TSHZ1: variants seen among roughly 807,000 people sequenced by gnomAD.
TSHZ1 encodes the protein teashirt homolog 1.
Under a neutral mutation model 67.1 loss-of-function variants are expected in TSHZ1, and 12 were observed. The ratio of observed to expected loss-of-function variants is 0.18; its 90% confidence interval spans 0.11 to 0.29. The LOEUF (loss-of-function observed/expected upper bound fraction) is 0.29. Among genes scored for constraint, TSHZ1 ranks in the 10% least tolerant of loss-of-function variants. The pLI, the probability that TSHZ1 is intolerant of heterozygous loss-of-function variation, is 1.00. For missense variants in TSHZ1, 1,305 were observed against 1,413.9 expected (o/e 0.92, Z 1.23); for synonymous variants, 632 against 622.4 (o/e 1.02, Z -0.23).
chr18:75,230,005 C>G (rs1359653346), intron 1 of TSHZ1, among the ~76,000 whole-genome samples: 2 of 152,126 alleles, frequency 1.3e-5, no homozygotes, highest in African/African-American at 4.8e-5. Flanking sequence ...AGGACAAATA[C>G]CAAGACATCC....
intron 1 of TSHZ1, among the ~76,000 whole-genome samples, chr18:75,225,466 G>A (rs111387886): frequency 1.2e-4 from 19 of 152,314 alleles, no homozygotes; most frequent in African/African-American, 4.3e-4. Flanking sequence ...TTCTGACTGT[G>A]AGCTGGCCCA....
At chr18:75,228,026 A>C (rs1487600346) in intron 1 of TSHZ1, among the ~76,000 whole-genome samples, 1 of 152,246 alleles carries the variant, frequency 6.6e-6, no homozygotes, top group African/African-American at 2.4e-5. Flanking sequence ...GGTGTCATTT[A>C]TCATGGTGAA....
rs774635790 is a variant in TSHZ1 at position 75,286,687 on chromosome 18, CGCT to C, written c.1283_1285del (p.Leu428del). ...ATGGAGTGTGGCAGCTCCCACGACACGCTGCAGCAGCTCACCGCCCACATGATG... is the reference window on the plus strand; with the variant it reads ...ATGGAGTGTGGCAGCTCCCACGACACGCAGCAGCTCACCGCCCACATGATG... On this transcript the variant is annotated inframe_deletion, in exon 2 of 2. Coordinates refer to ENST00000580243, the MANE Select transcript of TSHZ1 (RefSeq NM_001308210.2). This position sits in a 1 kb window ranked among gnomAD's most constrained non-coding sequence, Gnocchi z 5.1. The C allele has an allele frequency of 6.2e-7, 1 of 1,614,156 alleles. No individual in the cohort carries two copies. Among genetic ancestry groups the C allele is most frequent in the Non-Finnish European group, 8.5e-7 (1 of 1,180,040 alleles).
chr18:75,281,314 G>T lies in TSHZ1; in HGVS notation c.41-4134G>T, dbSNP rs1328498358. Among the ~76,000 whole-genome samples the T allele has an allele frequency of 6.6e-6, 1 of 152,202 alleles. No homozygotes were observed. Among genetic ancestry groups the T allele is most frequent in the Non-Finnish European group, 1.5e-5 (1 of 68,034 alleles). ...GGATACTCTCGTTTGGGGTTATTCG[G>T]TAACGTCTGAATCTGGAGATTCAGA... On this transcript the variant is annotated intron_variant, in intron 1 of 1. Coordinates refer to ENST00000580243, the MANE Select transcript of TSHZ1 (RefSeq NM_001308210.2). The surrounding 1 kb of genome is among the most constrained non-coding windows in gnomAD (Gnocchi z 5.3).
chr18:75,215,292 T>A (rs185300330), intron 1 of TSHZ1, among the ~76,000 whole-genome samples: 132 of 152,254 alleles, frequency 8.7e-4, no homozygotes, highest in African/African-American at 3.1e-3. Context: ...CACCGGGCCG[T>A]CTCCAGTGAT....
At chr18:75,280,723 A>G in intron 1 of TSHZ1, 1 of 982,826 alleles carries the variant, frequency 1.0e-6, no homozygotes, top group Non-Finnish European at 1.2e-6. Context: ...TAAATGAAGC[A>G]ATGGGATGAA....
Position 75,286,430 on chromosome 18 carries a change from G to A in TSHZ1, c.1023G>A (p.Val341=), listed in dbSNP as rs770044997. ...AGAAAGTGCCTCTGAAGGAGCCAGT[G>A]CCAGCCATCACCAAACTGGTCCCCT... The part of the protein sequence containing the change: ...HYQKVPLKEP[V]PAITKLVPST... The change falls in exon 2 of 2, where the codon GTG becomes GTA. Residue 341 remains valine (V), a synonymous_variant. Transcript: ENST00000580243. The surrounding 1 kb of genome is among the most constrained non-coding windows in gnomAD (Gnocchi z 5.1). The A allele has an allele frequency of 7.4e-6, 12 of 1,614,182 alleles. No individual in the cohort carries two copies. In the South Asian group the frequency reaches 1.3e-4, roughly 18 times the overall value.
intron 1 of TSHZ1, among the ~76,000 whole-genome samples, chr18:75,257,748 T>G (rs939962051): frequency 1.3e-5 from 2 of 152,164 alleles, no homozygotes; most frequent in African/African-American, 4.8e-5. Context: ...CCCTTCCTCC[T>G]CCTCATGGAT....
intron 1 of TSHZ1, among the ~76,000 whole-genome samples, chr18:75,244,048 G>C (rs959631259): frequency 6.6e-6 from 1 of 152,200 alleles, no homozygotes; most frequent in Admixed American, 6.5e-5. Flanking sequence ...TTAGGAAAAA[G>C]CTTGTTGGAA....
intron 1 of TSHZ1, among the ~76,000 whole-genome samples, chr18:75,235,705 G>A (rs2023058646): frequency 6.6e-6 from 1 of 152,136 alleles, no homozygotes; most frequent in Non-Finnish European, 1.5e-5. Flanking sequence ...TGCATCCTGT[G>A]GATGTAAAAA....
At chr18:75,275,488 C>A (rs1224395352) in intron 1 of TSHZ1, among the ~76,000 whole-genome samples, 1 of 152,150 alleles carries the variant, frequency 6.6e-6, no homozygotes, top group Non-Finnish European at 1.5e-5. Context: ...ATCTGCGTTA[C>A]GTTTCTTTAC....
intron 1 of TSHZ1, among the ~76,000 whole-genome samples, chr18:75,255,459 C>T (rs1336663650): frequency 1.3e-5 from 2 of 152,198 alleles, no homozygotes; most frequent in African/African-American, 2.4e-5. Flanking sequence ...TAACTTATAT[C>T]TTCTAACCAA....
intron 1 of TSHZ1, among the ~76,000 whole-genome samples, chr18:75,249,490 A>G (rs2023267426): frequency 6.7e-6 from 1 of 149,074 alleles, no homozygotes; most frequent in Non-Finnish European, 1.5e-5. Context: ...GTAGGGGGGA[A>G]GGGTAGGTAA....
chr18:75,269,173 T>C (rs1441446132), intron 1 of TSHZ1, among the ~76,000 whole-genome samples: 4 of 152,242 alleles, frequency 2.6e-5, no homozygotes, highest in African/African-American at 9.6e-5. Flanking sequence ...TTGGGCCACA[T>C]GGAAATTGAC....
intron 1 of TSHZ1, chr18:75,280,851 C>T (rs530034761): frequency 1.9e-4 from 183 of 983,004 alleles, no homozygotes; most frequent in Admixed American, 3.7e-4. Context: ...TGGTGAATTC[C>T]GTGAGGGGAT....
At chr18:75,214,508 A>T (rs1344522759) in intron 1 of TSHZ1, among the ~76,000 whole-genome samples, 1 of 152,232 alleles carries the variant, frequency 6.6e-6, no homozygotes, top group Admixed American at 6.5e-5. Flanking sequence ...TTTTTATTAT[A>T]ACATCCTGAC....
intron 1 of TSHZ1, among the ~76,000 whole-genome samples, chr18:75,251,142 A>T (rs2023298153): frequency 6.6e-6 from 1 of 152,260 alleles, no homozygotes; most frequent in Non-Finnish European, 1.5e-5. Context: ...ACTAGAAATT[A>T]TCTTTTTAGT....
intron 1 of TSHZ1, among the ~76,000 whole-genome samples, chr18:75,263,769 T>A (rs2023457370): frequency 6.6e-6 from 1 of 152,212 alleles, no homozygotes; most frequent in African/African-American, 2.4e-5. Context: ...ATTTTTATAG[T>A]ATTGAGGAAA....
intron 1 of TSHZ1, among the ~76,000 whole-genome samples, chr18:75,252,191 T>C (rs1197014484): frequency 6.6e-6 from 1 of 152,256 alleles, no homozygotes; most frequent in Non-Finnish European, 1.5e-5. Context: ...TCAACCATTG[T>C]TGGAAGTGTG....
Sources: allele counts gnomAD v4.1 joint callset (sites outside exome capture counted in the v4.1 genomes callset), GRCh38; gene constraint gnomAD v4.1.1; non-coding constraint Gnocchi (gnomAD v3.1); transcripts MANE v1.5; gene names NCBI Gene and HGNC (gene_info 2026-07-23, HGNC 2026-07-21).